The following CAMK1D variants were observed in gnomAD, a reference collection of about 807,000 sequenced individuals.
The protein encoded by CAMK1D is calcium/calmodulin dependent protein kinase ID, also known as calcium/calmodulin-dependent protein kinase type 1D.
In CAMK1D, 9 loss-of-function variants were observed where a neutral mutation model predicts 47.7. The observed-to-expected ratio is 0.19, with a 90% CI of 0.11 to 0.33. The LOEUF (loss-of-function observed/expected upper bound fraction) is 0.33. Ranked by LOEUF, CAMK1D falls within the 10% of genes least tolerant of loss-of-function variation. CAMK1D has a pLI of 1.00. For missense variants in CAMK1D, 291 were observed against 488.7 expected, an observed-to-expected ratio of 0.60 and a Z score of 3.81; for synonymous variants, 184 against 184.9, an observed-to-expected ratio of 0.99 and a Z score of 0.04.
At position 12,553,471 on chromosome 10, in the gene CAMK1D, C is replaced by T. The variant is rs1021785288; in HGVS notation, c.224+115C>T. The T allele has an allele frequency of 3.8e-5, 29 of 768,182 alleles. No individual in the cohort carries two copies. The African/African-American group carries it at 4.9e-4, about 13-fold the overall frequency. 47.6% of individuals were successfully genotyped at this position (768,182 alleles called of 1,614,324 possible). ...GGGGCAGAGGGGCCCCCAGAGGACC[C>T]AGGCTGTGCAAACGATAACCAACTT... On this transcript the variant is annotated intron_variant, in intron 2 of 10. Transcript: ENST00000619168.
chr10:12,502,953 C>A (rs1834750305), intron 1 of CAMK1D, among the ~76,000 whole-genome samples: 1 of 152,224 alleles, frequency 6.6e-6, no homozygotes, highest in East Asian at 1.9e-4. Flanking sequence ...CACGTTCTCC[C>A]CATTGGCACA....
intron 2 of CAMK1D, among the ~76,000 whole-genome samples, chr10:12,664,752 A>T (rs1420521663): frequency 6.6e-6 from 1 of 152,240 alleles, no homozygotes; most frequent in Admixed American, 6.5e-5. Context: ...CTTAAACTAC[A>T]AAAGTATTCA....
intron 2 of CAMK1D, among the ~76,000 whole-genome samples, chr10:12,655,257 G>T (rs1432099239): frequency 6.6e-6 from 1 of 152,130 alleles, no homozygotes; most frequent in East Asian, 1.9e-4. Context: ...AGGATCGAGA[G>T]AGAGTGGGAG....
intron 2 of CAMK1D, among the ~76,000 whole-genome samples, chr10:12,557,580 A>G (rs1475104721): frequency 1.3e-5 from 2 of 152,198 alleles, no homozygotes; most frequent in South Asian, 2.1e-4. Flanking sequence ...AGAAAAAAGA[A>G]AAAAGTCTTT....
chr10:12,423,699 T>C (rs983003886), intron 1 of CAMK1D, among the ~76,000 whole-genome samples: 3 of 152,200 alleles, frequency 2.0e-5, no homozygotes, highest in African/African-American at 7.2e-5. Context: ...TCAAGCCAGC[T>C]TGAAACGATA....
At chr10:12,702,058 G>A (rs11257942) in intron 3 of CAMK1D, among the ~76,000 whole-genome samples, 7,255 of 152,294 alleles carry the variant, frequency 0.048, 546 homozygotes, top group African/African-American at 0.16. Flanking sequence ...GCTCATTTGT[G>A]TGGCTCCCCG....
At position 12,751,682 on chromosome 10, in the gene CAMK1D, G is replaced by C. The variant is rs78531929; in HGVS notation, c.300-9266G>C. Among the ~76,000 whole-genome samples the C allele has an allele frequency of 8.5e-3, 1,298 of 152,306 alleles. 26 individuals are homozygous for C. The highest frequency in any genetic ancestry group is 0.03 in the African/African-American group (1,246 of 41,546). On this transcript the variant is annotated intron_variant, in intron 3 of 10. Coordinates refer to ENST00000619168, the MANE Select transcript of CAMK1D (RefSeq NM_153498.4). ...TCATCTGGTCTAGGGGTCAGGAAAG[G>C]CATATCTGTAGTAGCGACATTCAAG...
At chr10:12,472,168 C>T (rs185205714) in intron 1 of CAMK1D, among the ~76,000 whole-genome samples, 7 of 152,288 alleles carry the variant, frequency 4.6e-5, no homozygotes, top group Non-Finnish European at 1.0e-4. Flanking sequence ...TCACTTGTAA[C>T]TCTCTTTACT....
At chr10:12,722,290 A>G (rs954686088) in intron 3 of CAMK1D, among the ~76,000 whole-genome samples, 5 of 151,988 alleles carry the variant, frequency 3.3e-5, no homozygotes, top group Admixed American at 2.0e-4. Context: ...CTAAAAATAC[A>G]AAACAATTAG....
At chr10:12,784,771 T>A (rs987988037) in intron 5 of CAMK1D, among the ~76,000 whole-genome samples, 1 of 152,244 alleles carries the variant, frequency 6.6e-6, no homozygotes, top group Non-Finnish European at 1.5e-5. Context: ...GGCAGCAAAG[T>A]TGACTTGTAG....
At chr10:12,447,770 T>G (rs536306151) in intron 1 of CAMK1D, among the ~76,000 whole-genome samples, 1 of 152,352 alleles carries the variant, frequency 6.6e-6, no homozygotes, top group South Asian at 2.1e-4. Context: ...ACTCAAGTGA[T>G]CCTCCTGCCT....
chr10:12,611,588 C>CTTTTTTTTTTTTTTTTTTGTTTTTT (rs1838622848), intron 2 of CAMK1D, among the ~76,000 whole-genome samples: 1 of 59,906 alleles, frequency 1.7e-5, no homozygotes, highest in Admixed American at 3.3e-4. Context: ...TTCAGAATGC[C>CTTTTTTTTTTTTTTTTTTGTTTTTT]TTTTTTTTTT....
intron 2 of CAMK1D, among the ~76,000 whole-genome samples, chr10:12,636,871 T>C (rs1479451639): frequency 6.6e-6 from 1 of 152,242 alleles, no homozygotes; most frequent in African/African-American, 2.4e-5. Flanking sequence ...ATATTGGACA[T>C]GCTTCCTGTG....
At chr10:12,548,505 C>T (rs973789258) in intron 1 of CAMK1D, among the ~76,000 whole-genome samples, 3 of 138,732 alleles carry the variant, frequency 2.2e-5, no homozygotes, top group African/African-American at 8.2e-5. Flanking sequence ...TGCTCTATGG[C>T]CCAGGCTGAA....
At chr10:12,493,269 G>A (rs961276886) in intron 1 of CAMK1D, among the ~76,000 whole-genome samples, 2 of 152,152 alleles carry the variant, frequency 1.3e-5, no homozygotes, top group African/African-American at 4.8e-5. Flanking sequence ...ACTGAAGTGT[G>A]AGACTGGGCA....
chr10:12,474,297 C>T (rs1385714802), intron 1 of CAMK1D, among the ~76,000 whole-genome samples: 1 of 148,338 alleles, frequency 6.7e-6, no homozygotes, highest in Non-Finnish European at 1.5e-5. Context: ...CTCCTGGGTT[C>T]ACACCATTCT....
chr10:12,619,318 TC>T (rs1838918161), intron 2 of CAMK1D, among the ~76,000 whole-genome samples: 1 of 150,782 alleles, frequency 6.6e-6, no homozygotes, highest in Non-Finnish European at 1.5e-5. Context: ...TGAGACGGGG[TC>T]TTGCTCTGTT....
At chr10:12,361,698 G>A (rs1837670037) in intron 1 of CAMK1D, among the ~76,000 whole-genome samples, 1 of 151,364 alleles carries the variant, frequency 6.6e-6, no homozygotes, top group African/African-American at 2.4e-5. Context: ...TGGGATTACA[G>A]GCGCCCACCA....
intron 1 of CAMK1D, among the ~76,000 whole-genome samples, chr10:12,376,503 G>A (rs1028348175): frequency 6.6e-6 from 1 of 152,152 alleles, no homozygotes; most frequent in Non-Finnish European, 1.5e-5. Context: ...GTGGTCCAGG[G>A]AGTGCCGCCA....
Sources: gnomAD v4.1 joint callset for allele counts (sites outside exome capture counted in the v4.1 genomes callset) on GRCh38, gnomAD v4.1.1 for gene constraint, MANE v1.5 for transcripts, NCBI Gene and HGNC (gene_info 2026-07-23, HGNC 2026-07-21) for gene names.